The following ZNF474 variants were observed in gnomAD, a reference collection of about 807,000 sequenced individuals.
ZNF474 encodes the protein 4933409D10Rik.
For synonymous variants in ZNF474, 192 were observed against 162.2 expected, an observed-to-expected ratio of 1.18 and a Z score of -1.39; for missense variants, 511 against 433.8, an observed-to-expected ratio of 1.18 and a Z score of -1.58.
At chr5:122,131,134 G>A (rs899642359) in intron 1 of ZNF474, among the ~76,000 whole-genome samples, 2 of 152,128 alleles carry the variant, frequency 1.3e-5, no homozygotes, top group Admixed American at 1.3e-4. Flanking sequence ...GAGAATGGCT[G>A]TTAAAAAGAT....
intron 1 of ZNF474, among the ~76,000 whole-genome samples, chr5:122,145,913 G>A (rs564562958): frequency 6.6e-6 from 1 of 152,274 alleles, no homozygotes; most frequent in African/African-American, 2.4e-5. Flanking sequence ...ACCCTATGGA[G>A]TTGAAACTCA....
At position 122,152,908 on chromosome 5, in the gene ZNF474, T is replaced by C; in HGVS notation, c.918T>C (p.Cys306=). Residue 306 remains cysteine, a synonymous_variant, in exon 2 of 2, where the codon TGT becomes TGC. Transcript: ENST00000296600. ...GCCTCCTGGTACACCAGAGAAGTTGTAAAACTCATCCTTATGGGCCAAAAT... is the reference window on the plus strand; with the variant it reads ...GCCTCCTGGTACACCAGAGAAGTTGCAAAACTCATCCTTATGGGCCAAAAT... The part of the protein sequence containing the change: ...SDRLLVHQRS[C]KTHPYGPKYQ... 6.2e-7 allele frequency: 1 copy of C among 1,613,702 alleles called. No individual in the cohort carries two copies. The highest frequency in any genetic ancestry group is 8.5e-7 in the Non-Finnish European group (1 of 1,180,034).
At chr5:122,135,563 C>A (rs933591565) in intron 1 of ZNF474, among the ~76,000 whole-genome samples, 2 of 152,212 alleles carry the variant, frequency 1.3e-5, no homozygotes, top group African/African-American at 4.8e-5. Flanking sequence ...ATTAGTACAG[C>A]CACTATGAAC....
intron 1 of ZNF474, among the ~76,000 whole-genome samples, chr5:122,142,980 G>T (rs1194314986): frequency 1.3e-5 from 2 of 152,094 alleles, no homozygotes; most frequent in Non-Finnish European, 2.9e-5. Flanking sequence ...TCCTTCCCAG[G>T]CATTTTCCTC....
In ZNF474 at chr5:122,152,639, G is replaced by C. The variant is rs768608626; in HGVS notation, c.649G>C (p.Ala217Pro). The stretch of plus-strand genomic sequence containing the variant: ...CAAGAAAGCTTGTAGTGGAACCCCA[G>C]CCCGACCAAGGACTGTTATCTGCTA... ...GLKKACSGTP[A>P]RPRTVICYIC... The change falls in exon 2 of 2, where the codon GCC becomes CCC. Residue 217 changes from alanine (A) to proline (P), a missense_variant. Ala to Pro is a conservative substitution (Grantham distance 27). Transcript: ENST00000296600. 107 of 1,614,038 alleles carry C rather than the reference G, an allele frequency of 6.6e-5. No homozygotes were observed. The highest frequency in any genetic ancestry group is 8.7e-5 in the Non-Finnish European group (103 of 1,180,044).
chr5:122,139,028 T>C (rs953165575), intron 1 of ZNF474, among the ~76,000 whole-genome samples: 1 of 152,238 alleles, frequency 6.6e-6, no homozygotes, highest in African/African-American at 2.4e-5. Flanking sequence ...GTTCATGGCA[T>C]TTCCACTCAA....
At chr5:122,134,771 T>G (rs1376588164) in intron 1 of ZNF474, among the ~76,000 whole-genome samples, 1 of 152,150 alleles carries the variant, frequency 6.6e-6, no homozygotes, top group Non-Finnish European at 1.5e-5. Context: ...GGGGTTCTCT[T>G]TAGAAGGGAG....
chr5:122,152,320 C>T lies in ZNF474; in HGVS notation c.330C>T (p.Ala110=), dbSNP rs200772777. 6.2e-7 allele frequency: 1 copy of T among 1,614,200 alleles called. No individual in the cohort carries two copies. Among genetic ancestry groups the T allele is most frequent in the East Asian group, 2.2e-5 (1 of 44,884 alleles). ...GAGAATTTGGGTCCCAGTCAATTGCCATTCATGAACCCCAGTGCTTGCAGA... is the reference window on the plus strand; with the variant it reads ...GAGAATTTGGGTCCCAGTCAATTGCTATTCATGAACCCCAGTGCTTGCAGA... ...CGREFGSQSI[A]IHEPQCLQKW... is the part of the protein sequence containing the mutation. Residue 110 remains alanine (A), a synonymous_variant, in exon 2 of 2, where the codon GCC becomes GCT. Coordinates refer to ENST00000296600, the MANE Select transcript of ZNF474 (RefSeq NM_207317.3).
intron 1 of ZNF474, among the ~76,000 whole-genome samples, chr5:122,142,560 T>C (rs920559764): frequency 6.6e-6 from 1 of 152,128 alleles, no homozygotes; most frequent in Non-Finnish European, 1.5e-5. Flanking sequence ...AATGAACGTT[T>C]CCCCTAGACA....
At chr5:122,145,082 T>A (rs1755952538) in intron 1 of ZNF474, among the ~76,000 whole-genome samples, 1 of 152,224 alleles carries the variant, frequency 6.6e-6, no homozygotes, top group South Asian at 2.1e-4. Flanking sequence ...TCTAACACCA[T>A]AGACTATTAT....
rs146179557 is a variant in ZNF474, at chr5:122,152,688, C to A, written c.698C>A (p.Thr233Asn). The change falls in exon 2 of 2, where the codon ACC becomes AAC. Residue 233 changes from threonine to asparagine, a missense_variant. Thr to Asn is a moderately conservative substitution (Grantham distance 65). Transcript: ENST00000296600. Reference protein sequence around the residue: ...ICYICGKEFGTLSLPIHEPKC... With the variant: ...ICYICGKEFGNLSLPIHEPKC... ...TACATATGTGGTAAGGAATTTGGCACCCTGTCCCTTCCTATTCATGAGCCC... is the reference window on the plus strand; with the variant it reads ...TACATATGTGGTAAGGAATTTGGCAACCTGTCCCTTCCTATTCATGAGCCC... 5.0e-6 allele frequency: 8 copies of A among 1,614,054 alleles called. No homozygotes were observed. The highest frequency in any genetic ancestry group is 4.4e-5 in the South Asian group (4 of 91,090).
rs547418281 is a variant in ZNF474, at chr5:122,134,376, G to GCATTGAGTGCTATAAGTTCA, written c.-213+4700_-213+4719dup. Among the ~76,000 whole-genome samples, 7 of 152,314 alleles carry GCATTGAGTGCTATAAGTTCA rather than the reference G, an allele frequency of 4.6e-5. No homozygotes were observed. The South Asian group carries it at 8.3e-4, about 18-fold the overall frequency. ...GACAGCACTTAGTAGGATTCTGGTT[G>GCATTGAGTGCTATAAGTTCA]CATTGAGTGCTATAAGTTCACATTG... is the stretch of plus-strand genomic sequence containing the variant. On this transcript the variant is annotated intron_variant, in intron 1 of 1. Coordinates refer to ENST00000296600, the MANE Select transcript of ZNF474 (RefSeq NM_207317.3).
intron 1 of ZNF474, among the ~76,000 whole-genome samples, chr5:122,141,600 C>T (rs1755847933): frequency 6.6e-6 from 1 of 152,092 alleles, no homozygotes; most frequent in Non-Finnish European, 1.5e-5. Flanking sequence ...AGCCACTGCA[C>T]CCGGCCCTAG....
chr5:122,135,361 A>G (rs1335371285), intron 1 of ZNF474, among the ~76,000 whole-genome samples: 1 of 152,198 alleles, frequency 6.6e-6, no homozygotes, highest in Non-Finnish European at 1.5e-5. Context: ...ATATACATAT[A>G]TCAAAAGAAG....
chr5:122,146,339 A>C (rs1755988169), intron 1 of ZNF474, among the ~76,000 whole-genome samples: 1 of 152,186 alleles, frequency 6.6e-6, no homozygotes, highest in African/African-American at 2.4e-5. Flanking sequence ...TGGAAAAAAT[A>C]GGCTATTTTT....
chr5:122,134,698 T>C (rs1755657516), intron 1 of ZNF474, among the ~76,000 whole-genome samples: 1 of 152,168 alleles, frequency 6.6e-6, no homozygotes, highest in Non-Finnish European at 1.5e-5. Flanking sequence ...CTTCCAAAAA[T>C]CATACATTGA....
chr5:122,133,102 A>G (rs1383362200), intron 1 of ZNF474, among the ~76,000 whole-genome samples: 1 of 152,188 alleles, frequency 6.6e-6, no homozygotes, highest in Non-Finnish European at 1.5e-5. Context: ...TTATTCAGGA[A>G]TCATAATCCC....
At chr5:122,138,431 A>G (rs1047287506) in intron 1 of ZNF474, among the ~76,000 whole-genome samples, 5 of 152,234 alleles carry the variant, frequency 3.3e-5, no homozygotes, top group Non-Finnish European at 5.9e-5. Flanking sequence ...ACCACCAATG[A>G]GACTTCTCCC....
chr5:122,149,529 A>T (rs1233139185), intron 1 of ZNF474, among the ~76,000 whole-genome samples: 2 of 152,194 alleles, frequency 1.3e-5, no homozygotes, highest in Non-Finnish European at 2.9e-5. Context: ...AAAGGGAAGA[A>T]GCTCTGCTGG....
Sources: allele counts gnomAD v4.1 joint callset (sites outside exome capture counted in the v4.1 genomes callset), GRCh38; gene constraint gnomAD v4.1.1; transcripts MANE v1.5; gene names NCBI Gene and HGNC (gene_info 2026-07-23, HGNC 2026-07-21).